The following ADAMTSL1 variants were observed in gnomAD, a reference collection of about 807,000 sequenced individuals.
ADAMTSL1 encodes ADAMTS-like protein 1.
A neutral mutation model predicts 201.8 loss-of-function variants in ADAMTSL1; 126 were observed. The ratio of observed to expected loss-of-function variants is 0.62; its 90% CI spans 0.54 to 0.72. The LOEUF is 0.72. Among genes scored for constraint, ADAMTSL1 ranks in the 30% least tolerant of loss-of-function variants. The pLI is 0.00. For synonymous variants in ADAMTSL1, 1,121 were observed against 903.4 expected, an observed-to-expected ratio of 1.24 and a Z score of -4.32; for missense variants, 2,679 against 2,277.8, an observed-to-expected ratio of 1.18 and a Z score of -3.59.
chr9:18,891,460 G>GGGTGCAC (rs1278392580), intron 25 of ADAMTSL1, among the ~76,000 whole-genome samples: 42 of 152,280 alleles, frequency 2.8e-4, no homozygotes. Context: ...AATTACCACA[G>GGGTGCAC]GGTGCACACA....
chr9:18,729,734 A>G (rs1434927093), intron 15 of ADAMTSL1, among the ~76,000 whole-genome samples: 1 of 152,096 alleles, frequency 6.6e-6, no homozygotes, highest in Non-Finnish European at 1.5e-5. Context: ...CCAAAGCCGG[A>G]GTTTGGGAAT....
At chr9:18,819,490 C>T (rs141022715) in intron 21 of ADAMTSL1, among the ~76,000 whole-genome samples, 1 of 149,842 alleles carries the variant, frequency 6.7e-6, no homozygotes, top group African/African-American at 2.4e-5. Context: ...GAAAGTGCAG[C>T]AAAACAAGGA....
At chr9:18,163,343 T>C (rs921699595) in intron 1 of ADAMTSL1, among the ~76,000 whole-genome samples, 7 of 152,022 alleles carry the variant, frequency 4.6e-5, no homozygotes, top group Non-Finnish European at 7.4e-5. Context: ...AGTTCTCCAA[T>C]ACCTCCTTCC....
chr9:18,783,163 C>T (rs989442449), intron 19 of ADAMTSL1, among the ~76,000 whole-genome samples: 5 of 152,168 alleles, frequency 3.3e-5, no homozygotes, highest in African/African-American at 9.7e-5. Context: ...GCATTAGATA[C>T]ATTGAGATGA....
intron 3 of ADAMTSL1, among the ~76,000 whole-genome samples, chr9:18,554,932 G>T (rs1821017242): frequency 7.4e-6 from 1 of 134,478 alleles, no homozygotes; most frequent in Non-Finnish European, 1.7e-5. Context: ...CATTCTATGG[G>T]TTTTCACAAA....
chr9:18,029,443 C>T (rs1820841879), intron 1 of ADAMTSL1, among the ~76,000 whole-genome samples: 1 of 152,034 alleles, frequency 6.6e-6, no homozygotes, highest in Non-Finnish European at 1.5e-5. Flanking sequence ...CCATAAAAAC[C>T]CTAGAAGAAA....
intron 17 of ADAMTSL1, among the ~76,000 whole-genome samples, chr9:18,770,998 C>G (rs1445030607): frequency 6.6e-6 from 1 of 152,196 alleles, no homozygotes; most frequent in Admixed American, 6.5e-5. Context: ...CAATCGGAAG[C>G]TTGGAATTGT....
At chr9:18,198,513 C>A (rs1397084045) in intron 2 of ADAMTSL1, among the ~76,000 whole-genome samples, 2 of 149,114 alleles carry the variant, frequency 1.3e-5, no homozygotes, top group East Asian at 3.9e-4. Flanking sequence ...AAAAAATGCT[C>A]ATCATCACTG....
chr9:18,449,052 G>A (rs1406020497), intron 2 of ADAMTSL1, among the ~76,000 whole-genome samples: 1 of 151,620 alleles, frequency 6.6e-6, no homozygotes. Flanking sequence ...TCTTGCCAGA[G>A]TGAGACACAG....
At chr9:18,054,350 A>G (rs1161831327) in intron 1 of ADAMTSL1, among the ~76,000 whole-genome samples, 3 of 152,246 alleles carry the variant, frequency 2.0e-5, no homozygotes, top group Non-Finnish European at 2.9e-5. Context: ...CAAAGAACTA[A>G]TTAGAAAACT....
At chr9:18,608,195 C>G (rs1463373864) in intron 4 of ADAMTSL1, among the ~76,000 whole-genome samples, 2 of 152,160 alleles carry the variant, frequency 1.3e-5, no homozygotes, top group Non-Finnish European at 2.9e-5. Flanking sequence ...TTGAAGATAG[C>G]ATATACACTT....
At chr9:18,574,727 C>T (rs1822597009) in intron 4 of ADAMTSL1, among the ~76,000 whole-genome samples, 1 of 151,976 alleles carries the variant, frequency 6.6e-6, no homozygotes, top group Non-Finnish European at 1.5e-5. Context: ...CTATAATTTC[C>T]ATTGTATTGA....
rs558532192 is a variant in ADAMTSL1 at position 18,023,853 on chromosome 9, C to T, written c.87+116931C>T. 3.3e-5 allele frequency among the ~76,000 whole-genome samples: 5 copies of T among 152,170 alleles called. No individual in the cohort carries two copies. The South Asian group carries it at 8.3e-4, about 25-fold the overall frequency. The stretch of plus-strand genomic sequence containing the variant: ...GCAAAATATAGCAATGCAGAGAATT[C>T]AGGAGAAAATAGTTTGATAACAATT... On this transcript the variant is annotated intron_variant, in intron 1 of 29. Coordinates refer to the ADAMTSL1 transcript ENST00000680146.
intron 1 of ADAMTSL1, among the ~76,000 whole-genome samples, chr9:18,030,895 T>C (rs967433133): frequency 6.6e-6 from 1 of 152,120 alleles, no homozygotes; most frequent in African/African-American, 2.4e-5. Context: ...TCTCACTGAG[T>C]TAATTTGAGT....
At chr9:18,332,598 A>G (rs1483586851) in intron 2 of ADAMTSL1, among the ~76,000 whole-genome samples, 1 of 152,208 alleles carries the variant, frequency 6.6e-6, no homozygotes, top group African/African-American at 2.4e-5. Context: ...CTAAAGGCGC[A>G]TGCTACCAGA....
In ADAMTSL1 at chr9:17,986,595, G is replaced by C. The variant is rs558691271; in HGVS notation, c.87+79673G>C. Among the ~76,000 whole-genome samples the C allele has an allele frequency of 1.5e-3, 224 of 152,096 alleles. 1 individual carries two copies. The highest frequency in any genetic ancestry group is 5.1e-3 in the African/African-American group (212 of 41,526). On this transcript the variant is annotated intron_variant, in intron 1 of 29. Transcript: ENST00000680146. Reference sequence around the variant, plus strand: ...CACATGCTCAAGTTAAGATTATATTGAATTTTAAAAAGGATAGGCAAGGGA... The same window carrying C: ...CACATGCTCAAGTTAAGATTATATTCAATTTTAAAAAGGATAGGCAAGGGA...
chr9:18,034,537 G>T (rs1821111400), intron 1 of ADAMTSL1, among the ~76,000 whole-genome samples: 1 of 151,912 alleles, frequency 6.6e-6, no homozygotes. Context: ...TTTCAAACCA[G>T]TTTTGCCTCT....
chr9:18,202,509 T>C (rs2132279189), intron 2 of ADAMTSL1, among the ~76,000 whole-genome samples: 1 of 152,334 alleles, frequency 6.6e-6, no homozygotes, highest in South Asian at 2.1e-4. Context: ...CTTTATTTAT[T>C]ACTTAAAGAC....
chr9:18,104,478 C>G (rs920999283), intron 1 of ADAMTSL1, among the ~76,000 whole-genome samples: 7 of 152,168 alleles, frequency 4.6e-5, no homozygotes, highest in Non-Finnish European at 1.5e-5. Flanking sequence ...CCAGTCACCA[C>G]CAGTGCTGCC....
Sources: allele counts gnomAD v4.1 joint callset (sites outside exome capture counted in the v4.1 genomes callset), GRCh38; gene constraint gnomAD v4.1.1; transcripts MANE v1.5; gene names NCBI Gene and HGNC (gene_info 2026-07-23, HGNC 2026-07-21).